Variants in SNX27 observed in about 807,000 individuals in gnomAD.
The protein encoded by SNX27 is sorting nexin-27.
In SNX27, 22 loss-of-function variants were observed where a neutral mutation model predicts 71.6. The ratio of observed to expected loss-of-function variants is 0.31; its 90% CI spans 0.22 to 0.44. The LOEUF (loss-of-function observed/expected upper bound fraction) is 0.44, where lower values mean the gene tolerates loss of function less well. Among genes scored for constraint, SNX27 ranks in the 20% least tolerant of loss-of-function variants. The probability of loss-of-function intolerance (pLI) is 1.00; values close to 1 mark genes in which losing one functional copy is unlikely to be tolerated. For synonymous variants in SNX27, 269 were observed against 277.2 expected (o/e 0.97, Z 0.29); for missense variants, 531 against 698.6 (o/e 0.76, Z 2.70).
At chr1:151,641,612 TATATATATATATATATATCATATGTATC>T (rs1260692511) in intron 2 of SNX27, among the ~76,000 whole-genome samples, 1 of 126,762 alleles carries the variant, frequency 7.9e-6, no homozygotes, top group Non-Finnish European at 1.6e-5. Context: ...TATATATATA[TATATATATATATATATATCATATGTATC>T]ATATATATAT....
At position 151,696,465 on chromosome 1, in the gene SNX27, CT is replaced by C. The variant is rs746378705; in HGVS notation, c.*2051del. ...GCAAATCATTGTGAGGCCACTTTTT[CT>C]TTCTTTCTTTCTTTCTTTCTTTCTT... On this transcript the variant is annotated 3_prime_UTR_variant, in exon 12 of 12. Transcript: ENST00000458013. The C allele has an allele frequency of 3.7e-4, 18 of 48,558 alleles. No individual in the cohort carries two copies. Among genetic ancestry groups the C allele is most frequent in the Non-Finnish European group, 1.0e-3 (18 of 17,424 alleles). The allele number at this position is 48,558 out of a possible 1,614,324, so 3.0% of individuals were successfully genotyped here.
chr1:151,617,967 C>G lies in SNX27; in HGVS notation c.311+5455C>G, dbSNP rs150753492. 3.8e-3 allele frequency among the ~76,000 whole-genome samples: 576 copies of G among 150,396 alleles called. 5 individuals carry two copies. The highest frequency in any genetic ancestry group is 0.014 in the African/African-American group (553 of 40,940). On this transcript the variant is annotated intron_variant, in intron 1 of 11. Transcript: ENST00000458013. ...GAATTCTGGGCTCAAGTGATCCTCC[C>G]ACCTCAGCCTTCCGAGTAGCTGGCA... is the stretch of plus-strand genomic sequence containing the variant.
chr1:151,668,130 A>T (rs776419092), intron 6 of SNX27, among the ~76,000 whole-genome samples: 2 of 152,188 alleles, frequency 1.3e-5, no homozygotes, highest in Admixed American at 6.5e-5. Flanking sequence ...TCTTCCACCT[A>T]TGGTGTGTGT....
intron 1 of SNX27, among the ~76,000 whole-genome samples, chr1:151,631,343 G>T (rs73000054): frequency 0.097 from 14,822 of 152,136 alleles, 774 homozygotes; most frequent in South Asian, 0.13. Context: ...AGAAGGTAGG[G>T]AGTTCATTTA....
Position 151,697,696 on chromosome 1 carries a change from C to T in SNX27, c.*3279C>T, listed in dbSNP as rs1052172283. 1 of 152,916 alleles carries T rather than the reference C, an allele frequency of 6.5e-6. No individual in the cohort carries two copies. Among genetic ancestry groups the T allele is most frequent in the Non-Finnish European group, 1.5e-5 (1 of 68,242 alleles). 9.5% of individuals were successfully genotyped at this position (152,916 alleles called of 1,614,324 possible). On this transcript the variant is annotated 3_prime_UTR_variant, in exon 12 of 12. Coordinates refer to ENST00000458013, the MANE Select transcript of SNX27 (RefSeq NM_001330723.2). ...CAGTGTTGTGACTCTTCTCTCTCCC[C>T]TTCCTCTGCACTTCCTTTCTGTAAT...
chr1:151,670,688 C>T (rs1407051231), intron 7 of SNX27, among the ~76,000 whole-genome samples: 1 of 151,920 alleles, frequency 6.6e-6, no homozygotes, highest in Non-Finnish European at 1.5e-5. Flanking sequence ...TTATTAATCC[C>T]TTGTCAGATG....
At chr1:151,684,907 C>G (rs919218371) in intron 8 of SNX27, among the ~76,000 whole-genome samples, 5 of 152,094 alleles carry the variant, frequency 3.3e-5, no homozygotes, top group African/African-American at 1.2e-4. Flanking sequence ...CTCCTGGGCT[C>G]AAGCGATTCT....
chr1:151,651,693 G>T (rs1288885903), intron 2 of SNX27, among the ~76,000 whole-genome samples: 1 of 151,834 alleles, frequency 6.6e-6, no homozygotes, highest in Non-Finnish European at 1.5e-5. Flanking sequence ...TGGCGGCTGG[G>T]CGGAGATGCT....
intron 2 of SNX27, among the ~76,000 whole-genome samples, chr1:151,646,491 A>G (rs1669037423): frequency 6.6e-6 from 1 of 150,650 alleles, no homozygotes; most frequent in Non-Finnish European, 1.5e-5. Context: ...TATCTCTACT[A>G]TTGTTTTATT....
chr1:151,657,460 C>A (rs923935055), intron 2 of SNX27, among the ~76,000 whole-genome samples: 3 of 152,158 alleles, frequency 2.0e-5, no homozygotes, highest in African/African-American at 7.2e-5. Flanking sequence ...ACGTGAGCCA[C>A]CGTGCCCAGG....
chr1:151,683,207 C>T, intron 7 of SNX27, 149 bp from the exon 8 acceptor site: 1 of 619,676 alleles, frequency 1.6e-6, no homozygotes, highest in Non-Finnish European at 2.9e-6. Context: ...AGACCATATC[C>T]CTGGACATGT....
chr1:151,668,251 A>C (rs576777175), intron 6 of SNX27, among the ~76,000 whole-genome samples: 1 of 152,346 alleles, frequency 6.6e-6, no homozygotes, highest in East Asian at 1.9e-4. Flanking sequence ...GATAGGTTTC[A>C]GTTAGCTTGA....
chr1:151,634,412 T>C (rs1668380230), intron 1 of SNX27, among the ~76,000 whole-genome samples: 1 of 152,192 alleles, frequency 6.6e-6, no homozygotes, highest in Non-Finnish European at 1.5e-5. Flanking sequence ...TAGTTTTCAT[T>C]GTATATAGCT....
In SNX27 at chr1:151,666,029, A is replaced by G. The variant is rs1220154947; in HGVS notation, c.985+18A>G. ...CTCCTTTGGTAAGTACCAGTGGCTGATACTAAGTTTTGTTTTCTAATACTA... is the reference window on the plus strand; with the variant it reads ...CTCCTTTGGTAAGTACCAGTGGCTGGTACTAAGTTTTGTTTTCTAATACTA... On this transcript the variant is annotated intron_variant, in intron 6 of 11. Coordinates refer to ENST00000458013, the MANE Select transcript of SNX27 (RefSeq NM_001330723.2). 5 of 1,591,836 alleles carry G rather than the reference A, an allele frequency of 3.1e-6. No homozygotes were observed. The highest frequency in any genetic ancestry group is 4.3e-6 in the Non-Finnish European group (5 of 1,163,340).
chr1:151,613,181 A>T (rs1320393412), intron 1 of SNX27: 5 of 151,192 alleles, frequency 3.3e-5, no homozygotes, highest in Admixed American at 1.3e-4. Context: ...TTTCTACTCC[A>T]AGAGTTTACC....
At chr1:151,683,284 C>T in intron 7 of SNX27, 72 bp from the exon 8 acceptor site, 1 of 1,237,666 alleles carries the variant, frequency 8.1e-7, no homozygotes, top group Non-Finnish European at 1.2e-6. Context: ...GCGTCTGTGT[C>T]TGTTTTCATC....
intron 2 of SNX27, among the ~76,000 whole-genome samples, chr1:151,640,893 G>A (rs1005267531): frequency 1.3e-5 from 2 of 152,006 alleles, no homozygotes; most frequent in South Asian, 2.1e-4. Flanking sequence ...TGTCAACCAC[G>A]GATCAGCTTA....
In SNX27 at chr1:151,698,644, T is replaced by C. The variant is rs1200806938; in HGVS notation, c.*4227T>C. On this transcript the variant is annotated 3_prime_UTR_variant, in exon 12 of 12. Transcript: ENST00000458013. ...AAACCTGAGCACATCACGCCAGGCC[T>C]CTTTGCTGCCAGGACAGCATCAGCT... 1 of 152,396 alleles carries C rather than the reference T, an allele frequency of 6.6e-6. No individual in the cohort carries two copies. The highest frequency in any genetic ancestry group is 1.5e-5 in the Non-Finnish European group (1 of 68,114). 9.4% of individuals were successfully genotyped at this position (152,396 alleles called of 1,614,324 possible).
intron 1 of SNX27, among the ~76,000 whole-genome samples, chr1:151,620,723 T>C (rs1161159802): frequency 6.7e-6 from 1 of 149,118 alleles, no homozygotes; most frequent in African/African-American, 2.5e-5. Context: ...AGAGTCTTGC[T>C]CTGTCGCCTA....
Sources: allele counts gnomAD v4.1 joint callset (sites outside exome capture counted in the v4.1 genomes callset), GRCh38; gene constraint gnomAD v4.1.1; transcripts MANE v1.5; gene names NCBI Gene and HGNC (gene_info 2026-07-23, HGNC 2026-07-21).